Variants in EPB41L3 observed in about 807,000 individuals in gnomAD.
The protein encoded by EPB41L3 is band 4.1-like protein 3.
EPB41L3 carries 57 observed loss-of-function variants against 127.1 expected under a neutral mutation model. The ratio of observed to expected loss-of-function variants is 0.45; its 90% CI spans 0.36 to 0.56. The LOEUF (loss-of-function observed/expected upper bound fraction) is 0.56, where lower values mean the gene tolerates loss of function less well. Among genes scored for constraint, EPB41L3 ranks in the 20% least tolerant of loss-of-function variants. The pLI is 0.00. For synonymous variants in EPB41L3, 572 were observed against 549.5 expected, an observed-to-expected ratio of 1.04 and a Z score of -0.57; for missense variants, 1,273 against 1,372.2, an observed-to-expected ratio of 0.93 and a Z score of 1.14.
chr18:5,420,365 A>T (rs1234183688), intron 11 of EPB41L3, among the ~76,000 whole-genome samples: 1 of 152,206 alleles, frequency 6.6e-6, no homozygotes, highest in African/African-American at 2.4e-5. Context: ...TTCACCAAGG[A>T]GCACTGAATT....
rs886719207 is a variant in EPB41L3 at position 5,397,665 on chromosome 18, C to T, written c.2473-239G>A. 3.3e-5 allele frequency among the ~76,000 whole-genome samples: 5 copies of T among 152,132 alleles called. No individual in the cohort carries two copies. Among genetic ancestry groups the T allele is most frequent in the African/African-American group, 9.7e-5 (4 of 41,426 alleles). On this transcript the variant is annotated intron_variant, in intron 17 of 22. Transcript: ENST00000341928. The surrounding 1 kb of genome is among the most constrained non-coding windows in gnomAD (Gnocchi z 4.1). ...TGCTTCAGGACATCCGCAAAACAAACGGAAGGCAGGATAAAGTGCAATTAA... is the reference window on the plus strand; with the variant it reads ...TGCTTCAGGACATCCGCAAAACAAATGGAAGGCAGGATAAAGTGCAATTAA...
intron 16 of EPB41L3, chr18:5,400,671 T>A (rs2074359439): frequency 2.1e-6 from 1 of 483,010 alleles, no homozygotes; most frequent in Non-Finnish European, 3.9e-6. Flanking sequence ...ACTCTACAGG[T>A]AAAAACAGGC....
At chr18:5,481,955 A>G (rs1288662995) in intron 2 of EPB41L3, among the ~76,000 whole-genome samples, 1 of 152,196 alleles carries the variant, frequency 6.6e-6, no homozygotes, top group Admixed American at 6.5e-5. Context: ...GCAATTTAAA[A>G]CTAATCCTTC....
At chr18:5,579,910 G>A (rs2094375316) in intron 3 of EPB41L3, among the ~76,000 whole-genome samples, 1 of 152,190 alleles carries the variant, frequency 6.6e-6, no homozygotes, top group Non-Finnish European at 1.5e-5. Flanking sequence ...CACGAAGACT[G>A]ACACTGTTGG....
intron 6 of EPB41L3, among the ~76,000 whole-genome samples, chr18:5,435,777 C>T (rs1174379901): frequency 6.6e-6 from 1 of 152,184 alleles, no homozygotes; most frequent in Non-Finnish European, 1.5e-5. Context: ...ACGAGCAAAA[C>T]AGATTTCAGG....
intron 22 of EPB41L3, 25 bp downstream of exon 22, chr18:5,394,652 C>T: frequency 6.3e-7 from 1 of 1,589,640 alleles, no homozygotes; most frequent in Non-Finnish European, 8.6e-7. Context: ...CTAGGCAAGC[C>T]TAGAGAATCG....
Position 5,540,680 on chromosome 18 carries a change from A to T in EPB41L3, c.-12+3233T>A, listed in dbSNP as rs183566775. On this transcript the variant is annotated intron_variant, in intron 1 of 22. Coordinates refer to ENST00000341928, the MANE Select transcript of EPB41L3 (RefSeq NM_012307.5). ...GATCTCTCTAACTGAAGTGGTGCTA[A>T]AGATAAATTTGATTCATAGGTTTCA... 4 of 428,886 alleles carry T rather than the reference A, an allele frequency of 9.3e-6. No homozygotes were observed. The East Asian group carries it at 6.3e-4, about 68-fold the overall frequency. 26.6% of individuals were successfully genotyped at this position (428,886 alleles called of 1,614,324 possible).
Position 5,527,748 on chromosome 18 carries a change from C to T in EPB41L3, c.-12+16165G>A, listed in dbSNP as rs148424789. On this transcript the variant is annotated intron_variant, in intron 1 of 22. Coordinates refer to ENST00000341928, the MANE Select transcript of EPB41L3 (RefSeq NM_012307.5). ...AAGGCATGGGAGCCAGCTGTGAAAA[C>T]GCAGAGGAAGAATGTTCCAGGCCGA... 7.9e-5 allele frequency among the ~76,000 whole-genome samples: 12 copies of T among 152,288 alleles called. No individual in the cohort carries two copies. The East Asian group carries it at 2.3e-3, about 29-fold the overall frequency.
intron 1 of EPB41L3, among the ~76,000 whole-genome samples, chr18:5,526,302 T>C (rs781465058): frequency 1.3e-5 from 2 of 152,148 alleles, no homozygotes; most frequent in South Asian, 2.1e-4. Context: ...ATCACTGAGG[T>C]AGTTCACAAG....
At chr18:5,441,108 G>A (rs973149105) in intron 5 of EPB41L3, among the ~76,000 whole-genome samples, 16 of 152,146 alleles carry the variant, frequency 1.1e-4, no homozygotes. Flanking sequence ...CCTAGGCTGG[G>A]CTTGAACTTC....
intron 1 of EPB41L3, among the ~76,000 whole-genome samples, chr18:5,491,339 A>C (rs931855460): frequency 1.3e-5 from 2 of 152,198 alleles, no homozygotes; most frequent in Non-Finnish European, 2.9e-5. Flanking sequence ...AGAAATCAAC[A>C]ACTTTAGCTT....
At chr18:5,488,763 C>T (rs566839275) in intron 2 of EPB41L3, 1 of 459,896 alleles carries the variant, frequency 2.2e-6, no homozygotes, top group African/African-American at 2.1e-5. Context: ...CAATAATCTC[C>T]AGTCTGGACT....
chr18:5,408,124 T>G (rs994483520), intron 14 of EPB41L3, among the ~76,000 whole-genome samples: 1 of 152,210 alleles, frequency 6.6e-6, no homozygotes, highest in East Asian at 1.9e-4. Context: ...AGAGCTCACA[T>G]GTAGTGTATG....
intron 1 of EPB41L3, among the ~76,000 whole-genome samples, chr18:5,515,018 C>A (rs1478092242): frequency 1.3e-5 from 2 of 152,200 alleles, no homozygotes; most frequent in Non-Finnish European, 2.9e-5. Context: ...CAGTGACTGG[C>A]CATCTATCTA....
rs1300022203 is a variant in EPB41L3, at chr18:5,423,408, G to A, written c.1309C>T (p.Arg437Cys). 3 of 1,612,360 alleles carry A rather than the reference G, an allele frequency of 1.9e-6. No homozygotes were observed. Among genetic ancestry groups the A allele is most frequent in the East Asian group, 2.2e-5 (1 of 44,808 alleles). The change falls in exon 11 of 23, where the codon CGT (arginine) becomes TGT (cysteine). Residue 437 changes from arginine to cysteine, a missense_variant. Physicochemically the swap from Arg to Cys is radical, Grantham distance 180. Transcript: ENST00000341928. ...APYFERSSSK[R>C]YTMSRSLDGE... ...TCCAAGCTGCGAGACATGGTATAACGTTTGCTGGATGAGCGTTCAAAGTAA... is the reference window on the plus strand; with the variant it reads ...TCCAAGCTGCGAGACATGGTATAACATTTGCTGGATGAGCGTTCAAAGTAA...
intron 3 of EPB41L3, among the ~76,000 whole-genome samples, chr18:5,570,549 G>T (rs1254432726): frequency 1.3e-5 from 2 of 152,006 alleles, no homozygotes; most frequent in Non-Finnish European, 2.9e-5. Flanking sequence ...CCAGCTTCTA[G>T]AATACAGCCC....
intron 3 of EPB41L3, among the ~76,000 whole-genome samples, chr18:5,585,862 T>C (rs1241488136): frequency 2.0e-5 from 3 of 152,118 alleles, no homozygotes; most frequent in African/African-American, 7.2e-5. Context: ...CCTGCTTGGG[T>C]GTCATGTTTC....
chr18:5,595,638 A>G (rs1279256411), intron 3 of EPB41L3, among the ~76,000 whole-genome samples: 2 of 152,098 alleles, frequency 1.3e-5, no homozygotes, highest in African/African-American at 2.4e-5. Flanking sequence ...GATGCATCCC[A>G]CCCCAGCAGC....
intron 3 of EPB41L3, chr18:5,577,317 C>G: frequency 2.2e-6 from 1 of 451,808 alleles, no homozygotes; most frequent in Non-Finnish European, 4.4e-6. Flanking sequence ...TGTTAGCAAT[C>G]CGAAAATTTT....
Sources: gnomAD v4.1 joint callset for allele counts (sites outside exome capture counted in the v4.1 genomes callset) on GRCh38, gnomAD v4.1.1 for gene constraint, Gnocchi (gnomAD v3.1) non-coding constraint, MANE v1.5 for transcripts, NCBI Gene and HGNC (gene_info 2026-07-23, HGNC 2026-07-21) for gene names.